The following PPARGC1B variants were observed in gnomAD, a reference collection of about 807,000 sequenced individuals.
PPARGC1B encodes peroxisome proliferator-activated receptor gamma coactivator 1-beta.
Under a neutral mutation model 101.6 loss-of-function variants are expected in PPARGC1B, and 34 were observed. The ratio of observed to expected loss-of-function variants is 0.33; its 90% CI spans 0.25 to 0.45. The LOEUF (loss-of-function observed/expected upper bound fraction) is 0.45. PPARGC1B is among the 20% of genes least tolerant of loss of function. The pLI is 1.00. For missense variants in PPARGC1B, 1,234 were observed against 1,317.6 expected, an observed-to-expected ratio of 0.94 and a Z score of 0.98; for synonymous variants, 548 against 539.3, an observed-to-expected ratio of 1.02 and a Z score of -0.22.
chr5:149,799,287 C>G (rs1757342133), intron 1 of PPARGC1B, among the ~76,000 whole-genome samples: 1 of 152,150 alleles, frequency 6.6e-6, no homozygotes, highest in African/African-American at 2.4e-5. Flanking sequence ...AGTCATTTCC[C>G]AGGGATGAGC....
intron 1 of PPARGC1B, among the ~76,000 whole-genome samples, chr5:149,814,491 G>A (rs553948659): frequency 6.6e-6 from 1 of 152,240 alleles, no homozygotes; most frequent in South Asian, 2.1e-4. Context: ...GAGGACCAGA[G>A]GGGGGAGGTG....
At chr5:149,812,105 A>C (rs1050605234) in intron 1 of PPARGC1B, among the ~76,000 whole-genome samples, 2 of 152,204 alleles carry the variant, frequency 1.3e-5, no homozygotes, top group African/African-American at 4.8e-5. Context: ...GAGCTCTGCA[A>C]GCCTGAACCC....
chr5:149,750,451 AAAATATATATATATATATAT>A (rs1013799504), intron 1 of PPARGC1B, among the ~76,000 whole-genome samples: 13 of 69,774 alleles, frequency 1.9e-4, no homozygotes, highest in African/African-American at 6.7e-4. Flanking sequence ...TGTTTTAGTT[AAAATATATATATATATATAT>A]ATATATATAT....
chr5:149,774,190 G>A (rs1051474937), intron 1 of PPARGC1B, among the ~76,000 whole-genome samples: 1 of 152,208 alleles, frequency 6.6e-6, no homozygotes, highest in South Asian at 2.1e-4. Context: ...GCACCTTGCA[G>A]CAGCCATGAG....
intron 10 of PPARGC1B, among the ~76,000 whole-genome samples, chr5:149,844,939 A>AC (rs1416962895): frequency 2.0e-5 from 3 of 151,814 alleles, no homozygotes; most frequent in Non-Finnish European, 2.9e-5. Flanking sequence ...GCTTTAAGCT[A>AC]CCCCCCAGCA....
Position 149,730,527 on chromosome 5 carries a change from T to G in PPARGC1B, c.78+107T>G, listed in dbSNP as rs1393370091. On this transcript the variant is annotated intron_variant, in intron 1 of 11. Coordinates refer to ENST00000309241, the MANE Select transcript of PPARGC1B (RefSeq NM_133263.4). This position sits in a 1 kb window ranked among gnomAD's most constrained non-coding sequence, Gnocchi z 4.0. ...GCAGCGGTGGGAGCCCTGGGGTAACTGGGGGTTCCAGGCTGCAGAGCCCCC... is the reference window on the plus strand; with the variant it reads ...GCAGCGGTGGGAGCCCTGGGGTAACGGGGGGTTCCAGGCTGCAGAGCCCCC... 1.4e-5 allele frequency: 12 copies of G among 874,448 alleles called. No individual in the cohort carries two copies. Among genetic ancestry groups the G allele is most frequent in the Non-Finnish European group, 2.0e-5 (12 of 596,564 alleles). The allele number at this position is 874,448 out of a possible 1,614,324, so 54.2% of individuals were successfully genotyped here.
At chr5:149,846,154 C>T (rs1759546807) in intron 11 of PPARGC1B, 2 of 599,494 alleles carry the variant, frequency 3.3e-6, no homozygotes, top group East Asian at 5.5e-5. Flanking sequence ...ATCCAGCCTC[C>T]CACGGCCTCT....
chr5:149,782,738 G>A (rs17600379), intron 1 of PPARGC1B, among the ~76,000 whole-genome samples: 18,949 of 152,324 alleles, frequency 0.12, 1,265 homozygotes, highest in East Asian at 0.24. Context: ...GAGGCCCCGG[G>A]TGCTGGGATG....
chr5:149,847,450 A>T lies in PPARGC1B; in HGVS notation c.2972-8A>T. On this transcript the variant is annotated splice_polypyrimidine_tract_variant and splice_region_variant and intron_variant, in intron 11 of 11. Transcript: ENST00000309241. Reference sequence around the variant, plus strand: ...CCCTCTTCCCTGCCTCTTCACCCCCATGCCCAGATTCCAATTCAGAAGAGG... The same window carrying T: ...CCCTCTTCCCTGCCTCTTCACCCCCTTGCCCAGATTCCAATTCAGAAGAGG... The T allele has an allele frequency of 6.2e-7, 1 of 1,609,282 alleles. No homozygotes were observed. The highest frequency in any genetic ancestry group is 1.1e-5 in the South Asian group (1 of 90,994).
chr5:149,820,674 G>A, intron 2 of PPARGC1B, 68 bp downstream of exon 2: 1 of 1,449,902 alleles, frequency 6.9e-7, no homozygotes, highest in East Asian at 2.3e-5. Context: ...TCCCGGCTCT[G>A]CCCTGCTCTG....
intron 1 of PPARGC1B, among the ~76,000 whole-genome samples, chr5:149,818,617 C>A (rs1399190483): frequency 6.6e-6 from 1 of 152,136 alleles, no homozygotes. Flanking sequence ...ATTTATGAGG[C>A]CTAGTAAGTG....
chr5:149,755,847 T>C (rs1216466789), intron 1 of PPARGC1B, among the ~76,000 whole-genome samples: 1 of 152,058 alleles, frequency 6.6e-6, no homozygotes, highest in Non-Finnish European at 1.5e-5. Context: ...TTTCACCATG[T>C]TGGGCAGGCT....
intron 10 of PPARGC1B, among the ~76,000 whole-genome samples, chr5:149,844,800 G>T (rs1279064028): frequency 6.6e-6 from 1 of 152,222 alleles, no homozygotes; most frequent in African/African-American, 2.4e-5. Flanking sequence ...GCCTTGAGGA[G>T]TTTACATAGC....
Position 149,779,917 on chromosome 5 carries a change from C to T in PPARGC1B, c.79-40516C>T, listed in dbSNP as rs112801838. Among the ~76,000 whole-genome samples the T allele has an allele frequency of 2.6e-4, 39 of 152,322 alleles. 1 individual carries two copies. The highest frequency in any genetic ancestry group is 9.1e-4 in the African/African-American group (38 of 41,566). On this transcript the variant is annotated intron_variant, in intron 1 of 11. Transcript: ENST00000309241. ...TGGAGCCCCTTCCCAGCCCCTTCCC[C>T]TGGCCTTGGTCTGCACAAGATCTCT...
chr5:149,754,174 G>T lies in PPARGC1B; in HGVS notation c.78+23754G>T, dbSNP rs562645724. Among the ~76,000 whole-genome samples the T allele has an allele frequency of 6.8e-4, 104 of 152,330 alleles. 1 individual carries two copies. The highest frequency in any genetic ancestry group is 2.4e-3 in the African/African-American group (101 of 41,566). ...GGAGTCTCTGAAGTTTTAATTCATA[G>T]TCCTTTTCGGATGGTTAAGACTCAC... On this transcript the variant is annotated intron_variant, in intron 1 of 11. Coordinates refer to ENST00000309241, the MANE Select transcript of PPARGC1B (RefSeq NM_133263.4).
chr5:149,821,089 C>G (rs1053994930), intron 2 of PPARGC1B, among the ~76,000 whole-genome samples: 1 of 152,222 alleles, frequency 6.6e-6, no homozygotes, highest in Admixed American at 6.5e-5. Context: ...CGGGACTTTA[C>G]GACCATGATG....
chr5:149,768,836 G>T (rs1756018205), intron 1 of PPARGC1B, among the ~76,000 whole-genome samples: 1 of 151,398 alleles, frequency 6.6e-6, no homozygotes, highest in Non-Finnish European at 1.5e-5. Flanking sequence ...ATTTTTTTTT[G>T]TAGAGATGAG....
chr5:149,773,385 G>A (rs1756221407), intron 1 of PPARGC1B, among the ~76,000 whole-genome samples: 1 of 152,240 alleles, frequency 6.6e-6, no homozygotes, highest in Admixed American at 6.5e-5. Context: ...GGTGAGCCTG[G>A]CAGCTGACCC....
At chr5:149,740,755 C>T (rs1205489699) in intron 1 of PPARGC1B, among the ~76,000 whole-genome samples, 2 of 152,172 alleles carry the variant, frequency 1.3e-5, no homozygotes, top group African/African-American at 4.8e-5. Flanking sequence ...ATAGTATGCT[C>T]TTTGTAGGAT....
Sources: allele counts gnomAD v4.1 joint callset (sites outside exome capture counted in the v4.1 genomes callset), GRCh38; gene constraint gnomAD v4.1.1; non-coding constraint Gnocchi (gnomAD v3.1); transcripts MANE v1.5; gene names NCBI Gene and HGNC (gene_info 2026-07-23, HGNC 2026-07-21).